C11orf65: variants seen among roughly 807,000 people sequenced by gnomAD.
C11orf65 encodes the protein chromosome 11 open reading frame 65.
Under a neutral mutation model 35.3 loss-of-function variants are expected in C11orf65, and 38 were observed. That is an observed-to-expected ratio of 1.08 (90% CI 0.83 to 1.41). C11orf65 has a LOEUF of 1.41. C11orf65 is among the 40% of genes most tolerant of loss of function. The probability of loss-of-function intolerance (pLI) is 0.00; values close to 1 mark genes in which losing one functional copy is unlikely to be tolerated. For missense variants in C11orf65, 370 were observed against 367.1 expected, an observed-to-expected ratio of 1.01 and a Z score of -0.06; for synonymous variants, 105 against 114.4, an observed-to-expected ratio of 0.92 and a Z score of 0.53.
At chr11:108,328,067 A>G (rs1403892436), downstream of C11orf65, among the ~76,000 whole-genome samples, 1 of 152,178 alleles carries the variant, frequency 6.6e-6, no homozygotes, top group East Asian at 1.9e-4. Context: ...ATAACTGATT[A>G]AGAATAGGCA....
At chr11:108,325,216 T>C (rs1422800402) in intron 6 of C11orf65, 1 of 844,556 alleles carries the variant, frequency 1.2e-6, no homozygotes, top group East Asian at 2.6e-5. Flanking sequence ...TGTATTATTA[T>C]AATATTATAT....
At chr11:108,343,142 C>G (rs2087792524) in intron 2 of C11orf65, 2 of 1,565,158 alleles carry the variant, frequency 1.3e-6, no homozygotes, top group South Asian at 1.1e-5. Context: ...ATGCTTTGCA[C>G]TGACTCTGAT....
intron 3 of C11orf65, chr11:108,334,090 C>T (rs753630068): frequency 6.7e-6 from 5 of 744,104 alleles, no homozygotes; most frequent in Non-Finnish European, 1.1e-5. Flanking sequence ...TCATATGTTT[C>T]AACCTATAAT....
intron 3 of C11orf65, among the ~76,000 whole-genome samples, chr11:108,428,526 C>A (rs926336369): frequency 6.6e-6 from 1 of 152,078 alleles, no homozygotes; most frequent in African/African-American, 2.4e-5. Flanking sequence ...ATGGATGAAG[C>A]TGGAAACCAT....
intron 2 of C11orf65, chr11:108,340,483 CTCTCT>C (rs1370301545): frequency 1.3e-5 from 2 of 152,154 alleles, no homozygotes; most frequent in Non-Finnish European, 2.9e-5. Context: ...ACTCTTGTTT[CTCTCT>C]TCTCAAGTCT....
chr11:108,452,387 A>T (rs1322771894), intron 2 of C11orf65, among the ~76,000 whole-genome samples: 1 of 152,242 alleles, frequency 6.6e-6, no homozygotes, highest in Non-Finnish European at 1.5e-5. Flanking sequence ...CAGCCAACAG[A>T]CACATGAAAA....
upstream of C11orf65, among the ~76,000 whole-genome samples, chr11:108,469,819 A>C (rs1233698453): frequency 1.3e-5 from 2 of 152,092 alleles, no homozygotes; most frequent in Non-Finnish European, 2.9e-5. Flanking sequence ...TACCTGCTTA[A>C]ATCTAGGAAC....
intron 2 of C11orf65, among the ~76,000 whole-genome samples, chr11:108,438,992 C>T (rs1044200557): frequency 7.3e-5 from 11 of 151,306 alleles, no homozygotes; most frequent in African/African-American, 2.7e-4. Context: ...GGTGACAGAG[C>T]GAGACTCCAT....
At chr11:108,310,909 A>C (rs1442301086) in intron 6 of C11orf65, among the ~76,000 whole-genome samples, 1 of 152,222 alleles carries the variant, frequency 6.6e-6, no homozygotes, top group Non-Finnish European at 1.5e-5. Flanking sequence ...AACAAAAAAT[A>C]AGAAAGTAAG....
At chr11:108,386,504 G>T (rs528920055) in intron 7 of C11orf65, among the ~76,000 whole-genome samples, 1 of 152,150 alleles carries the variant, frequency 6.6e-6, no homozygotes, top group Non-Finnish European at 1.5e-5. Flanking sequence ...TTTAGGTATG[G>T]CAAATGCAGC....
intron 7 of C11orf65, among the ~76,000 whole-genome samples, chr11:108,391,737 A>G (rs1163211425): frequency 1.3e-5 from 2 of 150,236 alleles, no homozygotes; most frequent in African/African-American, 2.4e-5. Context: ...CCCCATAGCC[A>G]CCACCACCCC....
chr11:108,430,285 C>T (rs1211345394), intron 3 of C11orf65, among the ~76,000 whole-genome samples: 2 of 139,678 alleles, frequency 1.4e-5, no homozygotes, highest in East Asian at 2.1e-4. Context: ...CCTGCCACCA[C>T]GCCTGGCTAA....
chr11:108,374,110 T>A (rs569188688), intron 2 of C11orf65, among the ~76,000 whole-genome samples: 1 of 152,226 alleles, frequency 6.6e-6, no homozygotes, highest in Admixed American at 6.5e-5. Context: ...TAAATGTCCC[T>A]GTCTGACAGC....
At chr11:108,422,992 G>T (rs1156515486) in intron 3 of C11orf65, among the ~76,000 whole-genome samples, 1 of 152,030 alleles carries the variant, frequency 6.6e-6, no homozygotes, top group Non-Finnish European at 1.5e-5. Flanking sequence ...TATAATATGA[G>T]AATATTTTTA....
intron 1 of C11orf65, among the ~76,000 whole-genome samples, chr11:108,464,119 G>A (rs562504905): frequency 1.4e-3 from 212 of 151,954 alleles, no homozygotes; most frequent in Non-Finnish European, 2.0e-3. Flanking sequence ...TAGAGACAGA[G>A]TTTCACCCTG....
At chr11:108,315,779 G>T (rs185700860) in intron 6 of C11orf65, 3 of 1,508,246 alleles carry the variant, frequency 2.0e-6, no homozygotes, top group Non-Finnish European at 2.8e-6. Flanking sequence ...TTTATAGACC[G>T]ATTTTTTTTC....
intron 3 of C11orf65, among the ~76,000 whole-genome samples, chr11:108,428,452 A>C (rs1354181554): frequency 6.6e-6 from 1 of 152,258 alleles, no homozygotes; most frequent in Non-Finnish European, 1.5e-5. Flanking sequence ...AAAATGTGCC[A>C]CATATACACC....
chr11:108,366,010 CAA>C (rs1019882319), intron 2 of C11orf65: 8 of 118,884 alleles, frequency 6.7e-5, no homozygotes, highest in East Asian at 1.5e-4. Flanking sequence ...GCCTGGGTGA[CAA>C]GAGCGAAACT....
At chr11:108,349,341 C>G (rs2088883955) in intron 2 of C11orf65, among the ~76,000 whole-genome samples, 2 of 152,110 alleles carry the variant, frequency 1.3e-5, no homozygotes, top group Non-Finnish European at 2.9e-5. Flanking sequence ...AAGGCAAGGA[C>G]TGAATGGAAG....
Sources: gnomAD v4.1 joint callset for allele counts (sites outside exome capture counted in the v4.1 genomes callset) on GRCh38, gnomAD v4.1.1 for gene constraint, MANE v1.5 for transcripts, NCBI Gene and HGNC (gene_info 2026-07-23, HGNC 2026-07-21) for gene names.